TTC39C: variants seen among roughly 807,000 people sequenced by gnomAD.
TTC39C encodes tetratricopeptide repeat domain 39C.
Under a neutral mutation model 76.3 loss-of-function variants are expected in TTC39C, and 33 were observed. The ratio of observed to expected loss-of-function variants is 0.43; its 90% CI spans 0.33 to 0.58. The LOEUF is 0.58. Ranked by LOEUF, TTC39C falls within the 20% of genes least tolerant of loss-of-function variation. TTC39C has a pLI of 0.04. For missense variants in TTC39C, 595 were observed against 701.4 expected, an observed-to-expected ratio of 0.85 and a Z score of 1.71; for synonymous variants, 254 against 260.6, an observed-to-expected ratio of 0.97 and a Z score of 0.24.
chr18:24,117,137 C>G (rs779895322), intron 7 of TTC39C, among the ~76,000 whole-genome samples: 3 of 151,996 alleles, frequency 2.0e-5, no homozygotes, highest in Non-Finnish European at 2.9e-5. Flanking sequence ...ACTATTAGCC[C>G]CCTTTGCAAG....
intron 1 of TTC39C, among the ~76,000 whole-genome samples, chr18:24,038,305 C>T (rs1295272405): frequency 6.6e-6 from 1 of 152,138 alleles, no homozygotes; most frequent in Non-Finnish European, 1.5e-5. Context: ...ATTCTTGAGA[C>T]AGAGTCTCAC....
intron 6 of TTC39C, among the ~76,000 whole-genome samples, chr18:24,109,959 C>T (rs976546028): frequency 6.6e-5 from 10 of 151,910 alleles, no homozygotes; most frequent in African/African-American, 1.7e-4. Context: ...TGAGCCGAGC[C>T]GAGATCACGC....
chr18:24,028,506 A>G (rs2083624499), intron 1 of TTC39C, among the ~76,000 whole-genome samples: 1 of 152,224 alleles, frequency 6.6e-6, no homozygotes, highest in South Asian at 2.1e-4. Flanking sequence ...TGTGAATAGT[A>G]TGTAAACCCA....
chr18:24,049,404 C>T (rs1240689026), intron 1 of TTC39C, among the ~76,000 whole-genome samples: 1 of 152,220 alleles, frequency 6.6e-6, no homozygotes, highest in African/African-American at 2.4e-5. Flanking sequence ...CTCATAGCCA[C>T]CTGAAATAGC....
At chr18:24,027,806 C>A (rs769577279) in intron 1 of TTC39C, among the ~76,000 whole-genome samples, 1 of 152,050 alleles carries the variant, frequency 6.6e-6, no homozygotes, top group East Asian at 1.9e-4. Context: ...GCAGTCCTCC[C>A]ACCTCAGCCT....
chr18:24,045,337 A>AG (rs1441969151), intron 1 of TTC39C, among the ~76,000 whole-genome samples: 1 of 150,726 alleles, frequency 6.6e-6, no homozygotes, highest in Non-Finnish European at 1.5e-5. Context: ...CATTGTAACA[A>AG]GGGGGCCAGG....
intron 1 of TTC39C, among the ~76,000 whole-genome samples, chr18:24,023,774 T>G (rs939361489): frequency 4.7e-5 from 7 of 149,792 alleles, no homozygotes; most frequent in Non-Finnish European, 3.0e-5. Flanking sequence ...GCTAGAGCAG[T>G]GACTCTCGAC....
At chr18:24,037,793 T>C (rs2083748925) in intron 1 of TTC39C, among the ~76,000 whole-genome samples, 1 of 152,204 alleles carries the variant, frequency 6.6e-6, no homozygotes, top group Non-Finnish European at 1.5e-5. Flanking sequence ...GGGTTGCTGT[T>C]GTGAACTCGG....
chr18:24,087,820 A>G (rs958989224), intron 6 of TTC39C, among the ~76,000 whole-genome samples: 2 of 151,872 alleles, frequency 1.3e-5, no homozygotes, highest in African/African-American at 4.8e-5. Flanking sequence ...CCTGACCTTT[A>G]TTTTGAAACA....
upstream of TTC39C, among the ~76,000 whole-genome samples, chr18:24,013,929 A>G (rs910431362): frequency 6.6e-6 from 1 of 152,286 alleles, no homozygotes; most frequent in Non-Finnish European, 1.5e-5. Context: ...GTGTGAGAAT[A>G]GAACACACTT....
intron 1 of TTC39C, among the ~76,000 whole-genome samples, chr18:24,060,946 G>T (rs2084091313): frequency 1.4e-4 from 22 of 152,044 alleles, no homozygotes. Context: ...TTCTGCTCTG[G>T]TATTATATTA....
intron 5 of TTC39C, among the ~76,000 whole-genome samples, chr18:24,081,659 G>A (rs4043680): frequency 0.18 from 26,850 of 151,994 alleles, 2,623 homozygotes; most frequent in Middle Eastern, 0.26. Flanking sequence ...ATATCATAGA[G>A]GACCTTACCT....
chr18:23,994,739 T>TAGC (rs571411235), intron 1 of TTC39C, among the ~76,000 whole-genome samples: 7 of 152,250 alleles, frequency 4.6e-5, no homozygotes, highest in African/African-American at 1.4e-4. Flanking sequence ...GATGAAATGC[T>TAGC]AGCAGCAGCA....
At chr18:24,048,995 A>T (rs2083918276) in intron 1 of TTC39C, among the ~76,000 whole-genome samples, 1 of 152,190 alleles carries the variant, frequency 6.6e-6, no homozygotes, top group Non-Finnish European at 1.5e-5. Flanking sequence ...GCGTTGGCCA[A>T]CTCAAGAGAA....
At chr18:24,131,843 T>G (rs2085134216) in intron 12 of TTC39C, 39 bp from the exon 13 acceptor site, 1 of 1,594,172 alleles carries the variant, frequency 6.3e-7, no homozygotes, top group South Asian at 1.1e-5. Flanking sequence ...TGCGTATATA[T>G]AAACACAGAT....
chr18:24,077,321 G>GT (rs1447243826), intron 4 of TTC39C: 8 of 152,148 alleles, frequency 5.3e-5, no homozygotes, highest in Middle Eastern at 3.2e-3. Flanking sequence ...TTAAGAATGG[G>GT]TAGGAGTAAA....
Position 24,084,983 on chromosome 18 carries a change from TAGATTTAGATTTCTTCAAGGGC to T in TTC39C, c.984+1922_984+1943del, listed in dbSNP as rs1568431744. ...CCTGGCCTCAGGATGAGTGCTTTCT[TAGATTTAGATTTCTTCAAGGGC>T]AGATTTAGATTTCTTCAAGTTCTGA... On this transcript the variant is annotated intron_variant, in intron 6 of 13. Transcript: ENST00000317571. 2.0e-5 allele frequency among the ~76,000 whole-genome samples: 3 copies of T among 152,148 alleles called. No individual in the cohort carries two copies. The South Asian group carries it at 6.2e-4, about 32-fold the overall frequency.
At position 24,115,564 on chromosome 18, in the gene TTC39C, T is replaced by A. The variant is rs1335457873; in HGVS notation, c.1078+917T>A. ...TGAGACTCCAAAGGGAAATTGAGAC[T>A]TAAAAAGCTTTCTGCAGAGGGACAG... On this transcript the variant is annotated intron_variant, in intron 7 of 13. Transcript: ENST00000317571. Among the ~76,000 whole-genome samples, 4 of 152,280 alleles carry A rather than the reference T, an allele frequency of 2.6e-5. No homozygotes were observed. In the East Asian group the frequency reaches 7.7e-4, roughly 29 times the overall value.
chr18:24,005,379 T>A (rs534619737), intron 1 of TTC39C, among the ~76,000 whole-genome samples: 1 of 147,378 alleles, frequency 6.8e-6, no homozygotes, highest in East Asian at 2.0e-4. Flanking sequence ...AAGATAAGAT[T>A]TTTTTTCATA....
Sources: allele counts gnomAD v4.1 joint callset (sites outside exome capture counted in the v4.1 genomes callset), GRCh38; gene constraint gnomAD v4.1.1; transcripts MANE v1.5; gene names NCBI Gene and HGNC (gene_info 2026-07-23, HGNC 2026-07-21).